CACNA2D3: variants seen among roughly 807,000 people sequenced by gnomAD.
The protein encoded by CACNA2D3 is voltage-dependent calcium channel subunit alpha-2/delta-3.
A neutral mutation model predicts 160.6 loss-of-function variants in CACNA2D3; 60 were observed. The ratio of observed to expected loss-of-function variants is 0.37; its 90% CI spans 0.30 to 0.46. The LOEUF is 0.46. Among genes scored for constraint, CACNA2D3 ranks in the 20% least tolerant of loss-of-function variants. The pLI is 1.00. For synonymous variants in CACNA2D3, 558 were observed against 492.9 expected (o/e 1.13, Z -1.75); for missense variants, 1,205 against 1,365.0 (o/e 0.88, Z 1.85).
chr3:54,815,015 A>G (rs569586210), intron 13 of CACNA2D3, among the ~76,000 whole-genome samples: 2 of 152,354 alleles, frequency 1.3e-5, no homozygotes, highest in Admixed American at 6.5e-5. Context: ...CACAATGTTC[A>G]TGTATCCAAG....
chr3:54,499,177 C>T (rs1480505433), intron 4 of CACNA2D3, among the ~76,000 whole-genome samples: 7 of 152,104 alleles, frequency 4.6e-5, no homozygotes, highest in Non-Finnish European at 8.8e-5. Flanking sequence ...CTCTGTTAGA[C>T]ACCACTTCCA....
intron 4 of CACNA2D3, among the ~76,000 whole-genome samples, chr3:54,478,679 T>TATATATATATATATATATATA (rs1559493334): frequency 1.7e-4 from 8 of 47,764 alleles, no homozygotes; most frequent in South Asian, 7.4e-4. Flanking sequence ...TATATATATA[T>TATATATATATATATATATATA]TGCTTGTCAT....
intron 35 of CACNA2D3, among the ~76,000 whole-genome samples, chr3:55,060,119 G>GT (rs1387930639): frequency 1.3e-5 from 2 of 152,088 alleles, no homozygotes; most frequent in African/African-American, 4.8e-5. Context: ...CTCCTACGCA[G>GT]TATTTACTTG....
intron 4 of CACNA2D3, among the ~76,000 whole-genome samples, chr3:54,452,828 G>A (rs1429515587): frequency 6.6e-6 from 1 of 152,114 alleles, no homozygotes; most frequent in Non-Finnish European, 1.5e-5. Flanking sequence ...TGCCTCTTCT[G>A]GCTTCTGGTG....
chr3:54,626,457 C>A, intron 9 of CACNA2D3: 33 of 1,600,110 alleles, frequency 2.1e-5, no homozygotes, highest in Non-Finnish European at 2.8e-5. Context: ...ACCTGCGTGA[C>A]GTGATCATCC....
chr3:54,195,990 GAGTT>G (rs1436694617), intron 2 of CACNA2D3, among the ~76,000 whole-genome samples: 1 of 152,192 alleles, frequency 6.6e-6, no homozygotes, highest in African/African-American at 2.4e-5. Flanking sequence ...ATTGATCATT[GAGTT>G]AGTGTGTTGG....
intron 12 of CACNA2D3, among the ~76,000 whole-genome samples, chr3:54,759,841 C>CA (rs1329791242): frequency 3.9e-5 from 6 of 152,200 alleles, no homozygotes; most frequent in Non-Finnish European, 8.8e-5. Flanking sequence ...GCAGTGTCTT[C>CA]AGTGGTTCAG....
intron 2 of CACNA2D3, among the ~76,000 whole-genome samples, chr3:54,308,435 C>T (rs60325921): frequency 6.6e-6 from 1 of 152,100 alleles, no homozygotes; most frequent in Admixed American, 6.5e-5. Context: ...CCCTCTCCCC[C>T]AATCGGCTGG....
intron 4 of CACNA2D3, among the ~76,000 whole-genome samples, chr3:54,480,187 AAAG>A (rs1700910222): frequency 6.6e-6 from 1 of 152,180 alleles, no homozygotes; most frequent in African/African-American, 2.4e-5. Context: ...CTACAAAAAA[AAAG>A]AAGGAAAGAA....
intron 4 of CACNA2D3, among the ~76,000 whole-genome samples, chr3:54,389,432 G>A (rs964170047): frequency 8.5e-5 from 13 of 152,170 alleles, no homozygotes; most frequent in African/African-American, 2.4e-4. Context: ...GTTGGCAAAA[G>A]TTTGGTGAAG....
chr3:54,651,699 C>T (rs956091724), intron 11 of CACNA2D3, among the ~76,000 whole-genome samples: 1 of 152,070 alleles, frequency 6.6e-6, no homozygotes, highest in Non-Finnish European at 1.5e-5. Context: ...AAGCCTCCCC[C>T]GTGCTATAAC....
At chr3:54,316,576 C>T (rs1038809207) in intron 2 of CACNA2D3, among the ~76,000 whole-genome samples, 1 of 152,166 alleles carries the variant, frequency 6.6e-6, no homozygotes, top group Non-Finnish European at 1.5e-5. Flanking sequence ...GGTGGATACT[C>T]AGGCTAGAGA....
intron 4 of CACNA2D3, among the ~76,000 whole-genome samples, chr3:54,490,387 T>C (rs1701090201): frequency 6.6e-6 from 1 of 152,184 alleles, no homozygotes; most frequent in Admixed American, 6.5e-5. Context: ...CGGTTCCCGC[T>C]TCATGAATGG....
chr3:54,789,756 C>T (rs1702711022), intron 13 of CACNA2D3: 1 of 464,172 alleles, frequency 2.2e-6, no homozygotes, highest in Non-Finnish European at 4.3e-6. Flanking sequence ...TCCTCTAAAC[C>T]AAAATTTAGA....
chr3:54,460,996 A>G (rs1210303511), intron 4 of CACNA2D3, among the ~76,000 whole-genome samples: 1 of 151,964 alleles, frequency 6.6e-6, no homozygotes, highest in East Asian at 1.9e-4. Flanking sequence ...GAGTTGTTGA[A>G]TTTTGTCAAA....
intron 27 of CACNA2D3, chr3:54,924,492 C>T (rs1159194420): frequency 4.1e-6 from 3 of 738,170 alleles, no homozygotes; most frequent in East Asian, 5.0e-5. Context: ...TGAAATGGCA[C>T]CGATGTGTAA....
At chr3:54,841,369 T>G (rs541167735) in intron 16 of CACNA2D3, among the ~76,000 whole-genome samples, 1 of 152,220 alleles carries the variant, frequency 6.6e-6, no homozygotes, top group Non-Finnish European at 1.5e-5. Flanking sequence ...CCAGCAGTGC[T>G]TGAAATGCAG....
At chr3:54,568,442 A>T (rs1311229072) in intron 6 of CACNA2D3, among the ~76,000 whole-genome samples, 1 of 152,232 alleles carries the variant, frequency 6.6e-6, no homozygotes, top group Non-Finnish European at 1.5e-5. Context: ...TTAAAAAACA[A>T]AAAATAAAAA....
chr3:54,847,893 T>C (rs1698969727), intron 17 of CACNA2D3, among the ~76,000 whole-genome samples: 1 of 152,212 alleles, frequency 6.6e-6, no homozygotes, highest in Non-Finnish European at 1.5e-5. Flanking sequence ...GGACTCCTAG[T>C]GTGTATTTAT....
Sources: gnomAD v4.1 joint callset for allele counts (sites outside exome capture counted in the v4.1 genomes callset) on GRCh38, gnomAD v4.1.1 for gene constraint, MANE v1.5 for transcripts, NCBI Gene and HGNC (gene_info 2026-07-23, HGNC 2026-07-21) for gene names.